Variants in FOS observed in about 807,000 individuals in gnomAD.
The protein encoded by FOS is Fos proto-oncogene, AP-1 transcription factor subunit.
A neutral mutation model predicts 27.2 loss-of-function variants in FOS; 9 were observed. That is an observed-to-expected ratio of 0.33 (90% CI 0.20 to 0.58). The LOEUF (loss-of-function observed/expected upper bound fraction) is 0.58, where lower values mean the gene tolerates loss of function less well. FOS is among the 20% of genes least tolerant of loss of function. The pLI, the probability that FOS is intolerant of heterozygous loss-of-function variation, is 0.87. For missense variants in FOS, 405 were observed against 483.5 expected, an observed-to-expected ratio of 0.84 and a Z score of 1.52; for synonymous variants, 213 against 205.1, an observed-to-expected ratio of 1.04 and a Z score of -0.33.
At position 75,279,217 on chromosome 14, in the gene FOS, T is replaced by C; in HGVS notation, c.141+94T>C. 6.5e-7 allele frequency: 1 copy of C among 1,537,004 alleles called. No individual in the cohort carries two copies. The highest frequency in any genetic ancestry group is 1.1e-5 in the South Asian group (1 of 88,332). On this transcript the variant is annotated intron_variant, in intron 1 of 3. Transcript: ENST00000303562. The surrounding 1 kb of genome is among the most constrained non-coding windows in gnomAD (Gnocchi z 5.4). ...ACGCTCCAGTAGATGAGTAGGGGGC[T>C]CCCTTGTGCCTGGAGGGAGGCTGCC...
Position 75,281,838 on chromosome 14 carries a change from A to G in FOS, c.*414A>G, listed in dbSNP as rs546553450. 4.9e-4 allele frequency: 102 copies of G among 209,434 alleles called. 1 individual carries two copies. The highest frequency in any genetic ancestry group is 2.7e-3 in the South Asian group (33 of 12,380). 13.0% of individuals were successfully genotyped at this position (209,434 alleles called of 1,614,324 possible). ...ATCTAGTGCAGCTGATTTTAACAAT[A>G]ACTACTGTGTTCCTGGCAATAGTGT... is the stretch of plus-strand genomic sequence containing the variant. On this transcript the variant is annotated 3_prime_UTR_variant, in exon 4 of 4. Coordinates refer to ENST00000303562, the MANE Select transcript of FOS (RefSeq NM_005252.4). The surrounding 1 kb of genome is among the most constrained non-coding windows in gnomAD (Gnocchi z 4.7).
rs747221475 is a variant in FOS at position 75,279,936 on chromosome 14, C to T, written c.201C>T (p.Ile67=). 15 of 1,613,960 alleles carry T rather than the reference C, an allele frequency of 9.3e-6. No homozygotes were observed. Among genetic ancestry groups the T allele is most frequent in the Non-Finnish European group, 1.3e-5 (15 of 1,179,966 alleles). The change falls in exon 2 of 4, where the codon ATC becomes ATT. Residue 67 remains isoleucine (I), a synonymous_variant. Transcript: ENST00000303562. This position sits in a 1 kb window ranked among gnomAD's most constrained non-coding sequence, Gnocchi z 5.4. Reference sequence around the variant, plus strand: ...ACTTCATTCCCACGGTCACTGCCATCTCGACCAGTCCGGACCTGCAGTGGC... The same window carrying T: ...ACTTCATTCCCACGGTCACTGCCATTTCGACCAGTCCGGACCTGCAGTGGC... ...SANFIPTVTA[I]STSPDLQWLV...
intron 2 of FOS, 155 bp downstream of exon 2, chr14:75,280,283 A>G (rs762322746): frequency 2.0e-6 from 2 of 995,474 alleles, no homozygotes; most frequent in South Asian, 1.4e-5. Context: ...TTCCATCCCA[A>G]CTCAGACTCT....
Position 75,279,489 on chromosome 14 carries a change from A to G in FOS, c.141+366A>G. 1 of 441,940 alleles carries G rather than the reference A, an allele frequency of 2.3e-6. No individual in the cohort carries two copies. Among genetic ancestry groups the G allele is most frequent in the Non-Finnish European group, 4.1e-6 (1 of 245,960 alleles). The allele number at this position is 441,940 out of a possible 1,614,324, so 27.4% of individuals were successfully genotyped here. On this transcript the variant is annotated intron_variant, in intron 1 of 3. Coordinates refer to ENST00000303562, the MANE Select transcript of FOS (RefSeq NM_005252.4). This position sits in a 1 kb window ranked among gnomAD's most constrained non-coding sequence, Gnocchi z 5.4. ...AATCCCCCCTCCCCCGGCAGCCTGGAGCACGGAGGAGGGATGAGGGAGGAG... is the reference window on the plus strand; with the variant it reads ...AATCCCCCCTCCCCCGGCAGCCTGGGGCACGGAGGAGGGATGAGGGAGGAG...
In FOS at chr14:75,280,976, C is replaced by T; in HGVS notation, c.695C>T (p.Thr232Ile). ...ACTGGGGGCCTGCCAGAGGTTGCCA[C>T]CCCGGAGTCTGAGGAGGCCTTCACC... ...DLTGGLPEVA[T>I]PESEEAFTLP... is the part of the protein sequence containing the mutation. Residue 232 changes from threonine to isoleucine, a missense_variant, in exon 4 of 4, where the codon ACC (threonine) becomes ATC (isoleucine). Physicochemically the swap from Thr to Ile is moderately conservative, Grantham distance 89 (BLOSUM62 -1). Transcript: ENST00000303562. 3 of 1,614,176 alleles carry T rather than the reference C, an allele frequency of 1.9e-6. No homozygotes were observed. The highest frequency in any genetic ancestry group is 2.5e-6 in the Non-Finnish European group (3 of 1,180,030).
chr14:75,279,987 C>T lies in FOS; in HGVS notation c.252C>T (p.Ser84=), dbSNP rs1046117. 1,166,685 of 1,613,986 alleles carry T rather than the reference C, an allele frequency of 0.72. 425,115 individuals carry two copies. Among genetic ancestry groups the T allele is most frequent in the African/African-American group, 0.89 (66,848 of 75,004 alleles). ...QWLVQPALVS[S]VAPSQTRAPH... ...TGGTGCAGCCCGCCCTCGTCTCCTC[C>T]GTGGCCCCATCGCAGACCAGAGCCC... The change falls in exon 2 of 4, where the codon TCC becomes TCT. Residue 84 remains serine, a synonymous_variant. Transcript: ENST00000303562. The surrounding 1 kb of genome is among the most constrained non-coding windows in gnomAD (Gnocchi z 5.4).
At chr14:75,280,259 T>G in intron 2 of FOS, 131 bp downstream of exon 2, 4 of 1,254,442 alleles carry the variant, frequency 3.2e-6, no homozygotes, top group Non-Finnish European at 4.6e-6. Context: ...CTGGGAGCCC[T>G]GGCTCCAAGC....
In FOS at chr14:75,281,472, G is replaced by C. The variant is rs776356782; in HGVS notation, c.*48G>C. The C allele has an allele frequency of 2.8e-5, 45 of 1,581,192 alleles. No individual in the cohort carries two copies. Among genetic ancestry groups the C allele is most frequent in the Non-Finnish European group, 3.7e-5 (43 of 1,165,130 alleles). On this transcript the variant is annotated 3_prime_UTR_variant, in exon 4 of 4. Transcript: ENST00000303562. This position sits in a 1 kb window ranked among gnomAD's most constrained non-coding sequence, Gnocchi z 4.7. ...CCGGCACCCACAAGTGCCACTGCCC[G>C]AGCTGGTGCATTACAGAGAGGAGAA... is the stretch of plus-strand genomic sequence containing the variant.
At chr14:75,280,244 C>A in intron 2 of FOS, 116 bp downstream of exon 2, 1 of 1,407,202 alleles carries the variant, frequency 7.1e-7, no homozygotes, top group Non-Finnish European at 9.9e-7. Flanking sequence ...GCTGCACATC[C>A]GTAACTGGGA....
In FOS at chr14:75,280,578, G is replaced by A. The variant is rs778431578; in HGVS notation, c.412G>A (p.Glu138Lys). 8.7e-6 allele frequency: 14 copies of A among 1,613,494 alleles called. No individual in the cohort carries two copies. The highest frequency in any genetic ancestry group is 1.3e-5 in the African/African-American group (1 of 74,886). ...KVEQLSPEEE[E>K]KRRIRRERNK... ...ATTCTAGTTATCTCCAGAAGAAGAA[G>A]AGAAAAGGAGAATCCGAAGGGAAAG... The change falls in exon 3 of 4, where the codon GAG (glutamate) becomes AAG (lysine). Residue 138 changes from glutamate to lysine, a missense_variant. Transcript: ENST00000303562.
In FOS at chr14:75,279,153, C is replaced by G. The variant is rs988005123; in HGVS notation, c.141+30C>G. The G allele has an allele frequency of 3.1e-6, 5 of 1,610,028 alleles. No individual in the cohort carries two copies. Among genetic ancestry groups the G allele is most frequent in the Non-Finnish European group, 4.2e-6 (5 of 1,179,688 alleles). On this transcript the variant is annotated intron_variant, in intron 1 of 3. Transcript: ENST00000303562. The surrounding 1 kb of genome is among the most constrained non-coding windows in gnomAD (Gnocchi z 5.4). ...GGCTGGCTTCCCGTCGCCGCGGGGC[C>G]GGGGGCTTGGGGTCGCGGAGGAGGA...
chr14:75,281,127 C>G lies in FOS; in HGVS notation c.846C>G (p.Gly282=), dbSNP rs2229024. The G allele has an allele frequency of 7.9e-3, 12,675 of 1,609,560 alleles. 837 individuals are homozygous for G. In the African/African-American group the frequency reaches 0.15, roughly 19 times the overall value. ...FLFPASSRPS[G]SETARSVPDM... Reference sequence around the variant, plus strand: ...TCCCAGCATCATCCAGGCCCAGTGGCTCTGAGACAGCCCGCTCCGTGCCAG... The same window carrying G: ...TCCCAGCATCATCCAGGCCCAGTGGGTCTGAGACAGCCCGCTCCGTGCCAG... The change falls in exon 4 of 4, where the codon GGC becomes GGG. Residue 282 remains glycine, a synonymous_variant. Transcript: ENST00000303562. This position sits in a 1 kb window ranked among gnomAD's most constrained non-coding sequence, Gnocchi z 4.7.
rs558771086 is a variant in FOS, at chr14:75,281,295, G to A, written c.1014G>A (p.Thr338=). Residue 338 remains threonine, a synonymous_variant, in exon 4 of 4, where the codon ACG becomes ACA. Transcript: ENST00000303562. The surrounding 1 kb of genome is among the most constrained non-coding windows in gnomAD (Gnocchi z 4.7). The part of the protein sequence containing the change: ...VTCTPSCTAY[T]SSFVFTYPEA... Reference sequence around the variant, plus strand: ...GTACTCCCAGCTGCACTGCTTACACGTCTTCCTTCGTCTTCACCTACCCCG... The same window carrying A: ...GTACTCCCAGCTGCACTGCTTACACATCTTCCTTCGTCTTCACCTACCCCG... 26 of 1,609,910 alleles carry A rather than the reference G, an allele frequency of 1.6e-5. No individual in the cohort carries two copies. The African/African-American group carries it at 2.5e-4, about 16-fold the overall frequency.
rs1897230629 is a variant in FOS, at chr14:75,281,541, T to TATCA, written c.*120_*121insAATC. 8.8e-7 allele frequency: 1 copy of TATCA among 1,134,280 alleles called. No homozygotes were observed. The highest frequency in any genetic ancestry group is 1.2e-6 in the Non-Finnish European group (1 of 813,984). The allele number at this position is 1,134,280 out of a possible 1,614,324, so 70.3% of individuals were successfully genotyped here. On this transcript the variant is annotated 3_prime_UTR_variant, in exon 4 of 4. Transcript: ENST00000303562. The surrounding 1 kb of genome is among the most constrained non-coding windows in gnomAD (Gnocchi z 4.7). ...GTTCCTGTAGACCTAGGGAGGACCT[T>TATCA]ATCTGTGCGTGAAACACACCAGGCT...
Position 75,279,044 on chromosome 14 carries a change from C to A in FOS, c.62C>A (p.Ser21Tyr). The change falls in exon 1 of 4, where the codon TCC becomes TAC. Residue 21 changes from serine to tyrosine, a missense_variant. Ser to Tyr is a moderately radical substitution (Grantham distance 144). Coordinates refer to ENST00000303562, the MANE Select transcript of FOS (RefSeq NM_005252.4). The surrounding 1 kb of genome is among the most constrained non-coding windows in gnomAD (Gnocchi z 5.4). ...TCATCCTCCCGCTGCAGCAGCGCGT[C>A]CCCGGCCGGGGATAGCCTCTCTTAC... ...EASSSRCSSA[S>Y]PAGDSLSYYH... The A allele has an allele frequency of 6.2e-7, 1 of 1,613,728 alleles. No individual in the cohort carries two copies. The highest frequency in any genetic ancestry group is 8.5e-7 in the Non-Finnish European group (1 of 1,179,930).
Position 75,281,163 on chromosome 14 carries a change from A to C in FOS, c.882A>C (p.Leu294=). 2 of 1,611,402 alleles carry C rather than the reference A, an allele frequency of 1.2e-6. No individual in the cohort carries two copies. Among genetic ancestry groups the C allele is most frequent in the Non-Finnish European group, 1.7e-6 (2 of 1,180,004 alleles). Residue 294 remains leucine, a synonymous_variant, in exon 4 of 4, where the codon CTA becomes CTC. Coordinates refer to ENST00000303562, the MANE Select transcript of FOS (RefSeq NM_005252.4). The surrounding 1 kb of genome is among the most constrained non-coding windows in gnomAD (Gnocchi z 4.7). ...CCCGCTCCGTGCCAGACATGGACCT[A>C]TCTGGGTCCTTCTATGCAGCAGACT... ...ETARSVPDMD[L]SGSFYAADWE...
Position 75,279,678 on chromosome 14 carries a change from T to C in FOS, c.142-199T>C. On this transcript the variant is annotated intron_variant, in intron 1 of 3. Transcript: ENST00000303562. This position sits in a 1 kb window ranked among gnomAD's most constrained non-coding sequence, Gnocchi z 5.4. ...GGATAACGGGAACGCAGCGGCAGGATGGAAGAGACAGGCACTGCGCTGCGG... is the reference window on the plus strand; with the variant it reads ...GGATAACGGGAACGCAGCGGCAGGACGGAAGAGACAGGCACTGCGCTGCGG... 1 of 619,842 alleles carries C rather than the reference T, an allele frequency of 1.6e-6. No individual in the cohort carries two copies. The highest frequency in any genetic ancestry group is 2.1e-5 in the South Asian group (1 of 47,398). The allele number at this position is 619,842 out of a possible 1,614,324, so 38.4% of individuals were successfully genotyped here.
chr14:75,281,014 A>C lies in FOS; in HGVS notation c.733A>C (p.Asn245His). 1 of 1,614,010 alleles carries C rather than the reference A, an allele frequency of 6.2e-7. No homozygotes were observed. The highest frequency in any genetic ancestry group is 1.1e-5 in the South Asian group (1 of 91,082). Reference sequence around the variant, plus strand: ...GGAGGCCTTCACCCTGCCTCTCCTCAATGACCCTGAGCCCAAGCCCTCAGT... The same window carrying C: ...GGAGGCCTTCACCCTGCCTCTCCTCCATGACCCTGAGCCCAAGCCCTCAGT... Reference protein sequence around the residue: ...SEEAFTLPLLNDPEPKPSVEP... With the variant: ...SEEAFTLPLLHDPEPKPSVEP... Residue 245 changes from asparagine (N) to histidine (H), a missense_variant, in exon 4 of 4, where the codon AAT (asparagine) becomes CAT (histidine). Coordinates refer to ENST00000303562, the MANE Select transcript of FOS (RefSeq NM_005252.4). The surrounding 1 kb of genome is among the most constrained non-coding windows in gnomAD (Gnocchi z 4.7).
Position 75,281,249 on chromosome 14 carries a change from T to C in FOS, c.968T>C (p.Leu323Pro), listed in dbSNP as rs777094777. 1 of 1,612,434 alleles carries C rather than the reference T, an allele frequency of 6.2e-7. No homozygotes were observed. Among genetic ancestry groups the C allele is most frequent in the Non-Finnish European group, 8.5e-7 (1 of 1,179,996 alleles). The stretch of plus-strand genomic sequence containing the variant: ...CCCATGGCCACAGAGCTGGAGCCCC[T>C]GTGCACTCCGGTGGTCACCTGTACT... Reference protein sequence around the residue: ...MGPMATELEPLCTPVVTCTPS... With the variant: ...MGPMATELEPPCTPVVTCTPS... Residue 323 changes from leucine (L) to proline (P), a missense_variant, in exon 4 of 4, where the codon CTG (leucine) becomes CCG (proline). Transcript: ENST00000303562. This position sits in a 1 kb window ranked among gnomAD's most constrained non-coding sequence, Gnocchi z 4.7.
Sources: allele counts gnomAD v4.1 joint callset, GRCh38; gene constraint gnomAD v4.1.1; non-coding constraint Gnocchi (gnomAD v3.1); transcripts MANE v1.5; gene names NCBI Gene and HGNC (gene_info 2026-07-23, HGNC 2026-07-21).